Variants in CCDC7 observed in about 807,000 individuals in gnomAD.
CCDC7 encodes coiled-coil domain containing 7.
CCDC7 carries 183 observed loss-of-function variants against 196.9 expected under a neutral mutation model. That is an observed-to-expected ratio of 0.93 (90% CI 0.82 to 1.05). CCDC7 has a LOEUF of 1.05. CCDC7 is among the 50% of genes least tolerant of loss of function. The pLI is 0.00. For synonymous variants in CCDC7, 525 were observed against 484.6 expected, an observed-to-expected ratio of 1.08 and a Z score of -1.10; for missense variants, 1,540 against 1,482.2, an observed-to-expected ratio of 1.04 and a Z score of -0.64.
chr10:32,706,949 A>C (rs1425130333), intron 24 of CCDC7, among the ~76,000 whole-genome samples: 2 of 152,252 alleles, frequency 1.3e-5, no homozygotes, highest in African/African-American at 4.8e-5. Flanking sequence ...AAAAAGAGGG[A>C]ATCCTCCCCA....
intron 28 of CCDC7, among the ~76,000 whole-genome samples, chr10:32,758,953 GCAGA>G (rs1171716674): frequency 2.0e-5 from 3 of 150,836 alleles, no homozygotes; most frequent in Non-Finnish European, 3.0e-5. Context: ...TACACCAATA[GCAGA>G]CAGAGAGCCA....
In CCDC7 at chr10:32,876,334, C is replaced by G; in HGVS notation, c.4112-13C>G. 1 of 1,602,530 alleles carries G rather than the reference C, an allele frequency of 6.2e-7. No homozygotes were observed. The highest frequency in any genetic ancestry group is 8.5e-7 in the Non-Finnish European group (1 of 1,172,914). ...AAACTTTTTTTCAATTAACACATAA[C>G]TTTTCTTTAAAGTGTTACATGCTGC... On this transcript the variant is annotated splice_polypyrimidine_tract_variant and intron_variant, in intron 41 of 41. Transcript: ENST00000639629.
At chr10:32,651,278 C>G (rs1035597387) in intron 20 of CCDC7, among the ~76,000 whole-genome samples, 19 of 152,206 alleles carry the variant, frequency 1.2e-4, no homozygotes, top group Non-Finnish European at 2.5e-4. Flanking sequence ...TGCTGGGAAA[C>G]AGCTGGGGTG....
At chr10:32,617,168 G>A (rs1384663830) in intron 18 of CCDC7, among the ~76,000 whole-genome samples, 1 of 151,574 alleles carries the variant, frequency 6.6e-6, no homozygotes, top group Non-Finnish European at 1.5e-5. Context: ...CATTTATTGA[G>A]ATCTTGTCTC....
intron 8 of CCDC7, among the ~76,000 whole-genome samples, chr10:32,487,194 C>CT (rs1364888778): frequency 3.3e-5 from 5 of 152,064 alleles, no homozygotes; most frequent in African/African-American, 9.7e-5. Flanking sequence ...TCTTTTTATT[C>CT]TTTTTTCTCT....
intron 2 of CCDC7, among the ~76,000 whole-genome samples, chr10:32,454,575 G>T (rs2033883571): frequency 7.0e-6 from 1 of 143,238 alleles, no homozygotes; most frequent in Non-Finnish European, 1.5e-5. Flanking sequence ...TAAAACAAAA[G>T]TTAAAAAAAA....
At chr10:32,821,899 A>G (rs1296217814) in intron 31 of CCDC7, among the ~76,000 whole-genome samples, 1 of 152,172 alleles carries the variant, frequency 6.6e-6, no homozygotes. Flanking sequence ...AACATGGCAC[A>G]TGTATACATA....
At chr10:32,537,282 G>A (rs141952192) in intron 11 of CCDC7, among the ~76,000 whole-genome samples, 9 of 152,174 alleles carry the variant, frequency 5.9e-5, no homozygotes, top group African/African-American at 1.9e-4. Context: ...TATGTTTGTT[G>A]GCTACATGTA....
rs1305765137 is a variant in CCDC7 at position 32,845,970 on chromosome 10, G to T, written c.3604+11G>T. ...TGAAGAGTCACCGAGGTAAGAGAAA[G>T]AATTTTTCAAGTCTAATATTTAGGC... is the stretch of plus-strand genomic sequence containing the variant. On this transcript the variant is annotated intron_variant, in intron 36 of 41. Coordinates refer to ENST00000639629, the Ensembl canonical transcript of CCDC7. 2 of 1,592,624 alleles carry T rather than the reference G, an allele frequency of 1.3e-6. No individual in the cohort carries two copies. Among genetic ancestry groups the T allele is most frequent in the Non-Finnish European group, 1.7e-6 (2 of 1,162,590 alleles).
At chr10:32,666,504 C>T (rs571887138) in intron 21 of CCDC7, among the ~76,000 whole-genome samples, 1 of 152,022 alleles carries the variant, frequency 6.6e-6, no homozygotes, top group Non-Finnish European at 1.5e-5. Context: ...TTAGGTATAA[C>T]TTCTAATGCT....
At chr10:32,595,714 A>T (rs113339399) in intron 18 of CCDC7, among the ~76,000 whole-genome samples, 23 of 152,130 alleles carry the variant, frequency 1.5e-4, no homozygotes, top group African/African-American at 5.6e-4. Context: ...ACTGCTTTGA[A>T]TGTGTCCCAG....
intron 9 of CCDC7, among the ~76,000 whole-genome samples, chr10:32,497,422 GTCT>G (rs1344459187): frequency 1.3e-5 from 2 of 152,046 alleles, no homozygotes; most frequent in Non-Finnish European, 2.9e-5. Context: ...GTTATTTCTT[GTCT>G]TCTTCTAGCT....
At chr10:32,808,752 G>A (rs1011987507) in intron 30 of CCDC7, among the ~76,000 whole-genome samples, 4 of 152,082 alleles carry the variant, frequency 2.6e-5, no homozygotes, top group South Asian at 4.1e-4. Context: ...AAAGCCTCAC[G>A]GCAGCATCCA....
At chr10:32,603,161 C>CT (rs35440134) in intron 18 of CCDC7, among the ~76,000 whole-genome samples, 21,272 of 145,718 alleles carry the variant, frequency 0.15, 1,836 homozygotes, top group East Asian at 0.33. Flanking sequence ...ATGAAATTCA[C>CT]TTTTTTTTTT....
intron 29 of CCDC7, among the ~76,000 whole-genome samples, chr10:32,786,206 T>C (rs530394486): frequency 3.1e-4 from 47 of 152,332 alleles, no homozygotes; most frequent in African/African-American, 1.1e-3. Context: ...AGTAAATTTT[T>C]TGTAAAAATG....
chr10:32,640,796 G>C (rs2066603889), intron 20 of CCDC7, among the ~76,000 whole-genome samples: 1 of 151,380 alleles, frequency 6.6e-6, no homozygotes, highest in Non-Finnish European at 1.5e-5. Context: ...ATGAAATTCT[G>C]GGTTGAAAAT....
At chr10:32,707,347 A>G (rs938055521) in intron 24 of CCDC7, among the ~76,000 whole-genome samples, 1 of 152,196 alleles carries the variant, frequency 6.6e-6, no homozygotes, top group African/African-American at 2.4e-5. Context: ...CTCTATGACA[A>G]ACCCACAGCC....
chr10:32,474,037 C>T lies in CCDC7; in HGVS notation c.796+14C>T, dbSNP rs2038475406. 3 of 1,608,220 alleles carry T rather than the reference C, an allele frequency of 1.9e-6. No individual in the cohort carries two copies. The highest frequency in any genetic ancestry group is 2.7e-5 in the African/African-American group (2 of 74,662). On this transcript the variant is annotated intron_variant, in intron 8 of 41. Transcript: ENST00000639629. ...CAACAGAACCACGTAAGTTTCCACT[C>T]ATTAAAGCATTATTGTGATAATAAC...
At position 32,637,632 on chromosome 10, in the gene CCDC7, G is replaced by T. The variant is rs1233947805; in HGVS notation, c.2014+2474G>T. 2.6e-5 allele frequency among the ~76,000 whole-genome samples: 4 copies of T among 152,140 alleles called. No individual in the cohort carries two copies. In the South Asian group the frequency reaches 8.3e-4, roughly 32 times the overall value. On this transcript the variant is annotated intron_variant, in intron 20 of 41. Coordinates refer to ENST00000639629, the Ensembl canonical transcript of CCDC7. ...GTACCATGCTCTTTTGGTTACTGTA[G>T]CCTTGTAGTATAGTTTGAAGTCAGG...
Sources: allele counts gnomAD v4.1 joint callset (sites outside exome capture counted in the v4.1 genomes callset), GRCh38; gene constraint gnomAD v4.1.1; transcripts MANE v1.5; gene names NCBI Gene and HGNC (gene_info 2026-07-23, HGNC 2026-07-21).